CLCN1: variants seen among roughly 807,000 people sequenced by gnomAD.
CLCN1 encodes the protein chloride voltage-gated channel 1.
Under a neutral mutation model 114.5 loss-of-function variants are expected in CLCN1, and 100 were observed. The observed-to-expected ratio is 0.87, with a 90% CI of 0.74 to 1.03. The LOEUF (loss-of-function observed/expected upper bound fraction) is 1.03, where lower values mean the gene tolerates loss of function less well. Ranked by LOEUF, CLCN1 falls within the 50% of genes least tolerant of loss-of-function variation. The probability of loss-of-function intolerance (pLI) is 0.00; values close to 1 mark genes in which losing one functional copy is unlikely to be tolerated. For missense variants in CLCN1, 1,188 were observed against 1,250.0 expected (o/e 0.95, Z 0.75); for synonymous variants, 485 against 487.1 (o/e 1.00, Z 0.06).
At chr7:143,331,517 T>A (rs1264863031) in intron 9 of CLCN1, 34 bp from the exon 10 acceptor site, 13 of 1,467,618 alleles carry the variant, frequency 8.9e-6, no homozygotes, top group Non-Finnish European at 1.2e-5. Flanking sequence ...ATTTCATGTC[T>A]GTAAGATTCC....
At chr7:143,320,580 T>A (rs574859237) in intron 2 of CLCN1, 84 bp from the exon 3 acceptor site, 67 of 1,166,954 alleles carry the variant, frequency 5.7e-5, no homozygotes, top group Admixed American at 7.9e-5. Context: ...TCTCTCTCTC[T>A]CTCTCTGTCT....
At chr7:143,328,085 C>A (rs1802620721) in intron 7 of CLCN1, among the ~76,000 whole-genome samples, 1 of 152,164 alleles carries the variant, frequency 6.6e-6, no homozygotes, top group African/African-American at 2.4e-5. Context: ...TGAAACAGAT[C>A]TGGTGGGGGG....
chr7:143,316,503 TA>T, intron 1 of CLCN1, 111 bp downstream of exon 1: 1 of 1,045,648 alleles, frequency 9.6e-7, no homozygotes. Flanking sequence ...TACATTTTTT[TA>T]ACTTAAAAAA....
rs1188396800 is a variant in CLCN1 at position 143,339,685 on chromosome 7, T to TC, written c.1582+65dup. On this transcript the variant is annotated intron_variant, in intron 14 of 22. Coordinates refer to ENST00000343257, the MANE Select transcript of CLCN1 (RefSeq NM_000083.3). The surrounding 1 kb of genome is among the most constrained non-coding windows in gnomAD (Gnocchi z 4.1). ...GTACTTCAGATCCCCACACTTAAAC[T>TC]CTCCCATTGGATCTTCATTCTAGGC... The TC allele has an allele frequency of 1.0e-6, 1 of 996,866 alleles. No individual in the cohort carries two copies. The highest frequency in any genetic ancestry group is 1.6e-6 in the Non-Finnish European group (1 of 618,968). The allele number at this position is 996,866 out of a possible 1,614,324, so 61.8% of individuals were successfully genotyped here. A position where few individuals can be genotyped will look rare whatever the true frequency, so the allele number is the denominator to read the frequency against.
At chr7:143,344,751 G>GTTTTT (rs11370140) in intron 16 of CLCN1, among the ~76,000 whole-genome samples, 11 of 131,310 alleles carry the variant, frequency 8.4e-5, no homozygotes, top group African/African-American at 2.9e-4. Context: ...TCCTAGCAGG[G>GTTTTT]TTTTTTTTTT....
chr7:143,336,947 T>C (rs989420725), intron 12 of CLCN1, among the ~76,000 whole-genome samples: 12 of 152,230 alleles, frequency 7.9e-5, no homozygotes, highest in Non-Finnish European at 1.6e-4. Context: ...AAATCTCTTA[T>C]GGCTTTTATG....
intron 10 of CLCN1, among the ~76,000 whole-genome samples, chr7:143,332,123 C>G (rs992985882): frequency 6.6e-6 from 1 of 152,024 alleles, no homozygotes; most frequent in Non-Finnish European, 1.5e-5. Flanking sequence ...ACCACCGTGC[C>G]TGGCTAATTT....
Position 143,350,450 on chromosome 7 carries a change from C to G in CLCN1, c.2482C>G (p.Leu828Val). ...SCCIDQSPFQ[L>V]VEQTTLHKTH... ...CTGTATTGACCAGTCTCCCTTCCAG[C>G]TGGTGGAGCAGACAACCCTGCACAA... is the stretch of plus-strand genomic sequence containing the variant. Residue 828 changes from leucine (L) to valine (V), a missense_variant, in exon 21 of 23, where the codon CTG becomes GTG. Leu to Val is a conservative substitution (Grantham distance 32, BLOSUM62 1). Coordinates refer to ENST00000343257, the MANE Select transcript of CLCN1 (RefSeq NM_000083.3). The surrounding 1 kb of genome is among the most constrained non-coding windows in gnomAD (Gnocchi z 5.1). The G allele has an allele frequency of 4.3e-6, 7 of 1,614,124 alleles. No homozygotes were observed. Among genetic ancestry groups the G allele is most frequent in the Non-Finnish European group, 5.9e-6 (7 of 1,179,954 alleles).
chr7:143,319,980 CA>C, intron 2 of CLCN1, 105 bp downstream of exon 2: 1 of 1,207,766 alleles, frequency 8.3e-7, no homozygotes, highest in Non-Finnish European at 1.2e-6. Flanking sequence ...TGCCCTGCTA[CA>C]AAAACTCTCC....
At chr7:143,328,641 T>C (rs1256845548) in intron 7 of CLCN1, among the ~76,000 whole-genome samples, 1 of 152,190 alleles carries the variant, frequency 6.6e-6, no homozygotes, top group African/African-American at 2.4e-5. Flanking sequence ...CAAAGCTGAC[T>C]GCTTTTGTTA....
At position 143,343,900 on chromosome 7, in the gene CLCN1, C is replaced by T. The variant is rs374277119; in HGVS notation, c.1930+1395C>T. Among the ~76,000 whole-genome samples the T allele has an allele frequency of 7.5e-4, 114 of 152,118 alleles. 1 individual carries two copies. Among genetic ancestry groups the T allele is most frequent in the East Asian group, 6.9e-3 (36 of 5,186 alleles). ...TGTTGCCCAGGCAGGAGTGCAATGG[C>T]GCCATCTTGGCTCACTGCAACCTCT... On this transcript the variant is annotated intron_variant, in intron 16 of 22. Coordinates refer to ENST00000343257, the MANE Select transcript of CLCN1 (RefSeq NM_000083.3).
At chr7:143,344,392 G>A (rs1404566212) in intron 16 of CLCN1, among the ~76,000 whole-genome samples, 1 of 152,132 alleles carries the variant, frequency 6.6e-6, no homozygotes, top group Non-Finnish European at 1.5e-5. Context: ...TTGAATTAGT[G>A]TAATAAAGAA....
intron 1 of CLCN1, among the ~76,000 whole-genome samples, chr7:143,318,861 A>G (rs1237675277): frequency 6.6e-6 from 1 of 152,154 alleles, no homozygotes; most frequent in African/African-American, 2.4e-5. Context: ...AGGGCAATTC[A>G]TGTGCGTGCT....
In CLCN1 at chr7:143,346,147, C is replaced by T. The variant is rs13438232; in HGVS notation, c.2180C>T (p.Pro727Leu). The change falls in exon 18 of 23, where the codon CCT (proline) becomes CTT (leucine). Residue 727 changes from proline (P) to leucine (L), a missense_variant. By Grantham distance (98) the Pro-to-Leu change is moderately conservative. Coordinates refer to ENST00000343257, the MANE Select transcript of CLCN1 (RefSeq NM_000083.3). Reference sequence around the variant, plus strand: ...TCTTACTCTTCCTTACAGCTTCCTCCTTCCCTTGCTCTCCACCCCTCTACT... The same window carrying T: ...TCTTACTCTTCCTTACAGCTTCCTCTTTCCCTTGCTCTCCACCCCTCTACT... ...EDLSGKSELP[P>L]SLALHPSTTA... 648,756 of 1,595,208 alleles carry T rather than the reference C, an allele frequency of 0.41. 133,584 individuals carry two copies. The highest frequency in any genetic ancestry group is 0.44 in the Middle Eastern group (2,639 of 6,020).
intron 20 of CLCN1, 117 bp downstream of exon 20, chr7:143,347,066 G>C (rs188189172): frequency 1.6e-5 from 15 of 940,026 alleles, no homozygotes; most frequent in Non-Finnish European, 2.3e-5. Context: ...TGGATGGGAA[G>C]TGTTTTGAGA....
At chr7:143,332,681 A>C in intron 11 of CLCN1, 43 bp from the exon 12 acceptor site, 1 of 1,611,470 alleles carries the variant, frequency 6.2e-7, no homozygotes, top group Non-Finnish European at 8.5e-7. Context: ...GAAGCACAGG[A>C]GTTCCCTGGA....
intron 20 of CLCN1, among the ~76,000 whole-genome samples, chr7:143,349,963 T>C (rs993108538): frequency 1.1e-4 from 16 of 151,906 alleles, no homozygotes; most frequent in Admixed American, 3.3e-4. Context: ...CTCCAGATGG[T>C]CAGAATAGCA....
rs758693006 is a variant in CLCN1, at chr7:143,316,402, T to C, written c.180+10T>C. The C allele has an allele frequency of 7.5e-6, 12 of 1,610,684 alleles. No individual in the cohort carries two copies. In the South Asian group the frequency reaches 1.1e-4, roughly 15 times the overall value. On this transcript the variant is annotated intron_variant, in intron 1 of 22. Coordinates refer to ENST00000343257, the MANE Select transcript of CLCN1 (RefSeq NM_000083.3). ...CGTCCACCCCACACAGGTAAAGTGCTCTAAGGGGAGAGGGGAGCCATGGAT... is the reference window on the plus strand; with the variant it reads ...CGTCCACCCCACACAGGTAAAGTGCCCTAAGGGGAGAGGGGAGCCATGGAT...
In CLCN1 at chr7:143,330,867, C is replaced by T. The variant is rs1337473924; in HGVS notation, c.949C>T (p.Arg317Ter). The T allele has an allele frequency of 3.1e-6, 5 of 1,614,024 alleles. No individual in the cohort carries two copies. The highest frequency in any genetic ancestry group is 1.3e-5 in the African/African-American group (1 of 74,902). The change falls in exon 8 of 23, where the codon CGA (arginine) becomes TGA (stop). Residue 317 changes from arginine to a stop codon, truncating the protein, a stop_gained. Transcript: ENST00000343257. LOFTEE classifies it high-confidence loss of function. ...FAATFSAFVF[R>*]VLAVWNKDAV... ...AGCCACGTTCAGCGCCTTTGTGTTT[C>T]GAGTGCTGGCAGTGTGGAACAAGGA...
Sources: gnomAD v4.1 joint callset for allele counts (sites outside exome capture counted in the v4.1 genomes callset) on GRCh38, gnomAD v4.1.1 for gene constraint, Gnocchi (gnomAD v3.1) non-coding constraint, MANE v1.5 for transcripts, NCBI Gene and HGNC (gene_info 2026-07-23, HGNC 2026-07-21) for gene names.